Variants in ADAMTS3 observed in about 807,000 individuals in gnomAD.
ADAMTS3 encodes the protein A disintegrin and metalloproteinase with thrombospondin motifs 3.
ADAMTS3 carries 73 observed loss-of-function variants against 129.0 expected under a neutral mutation model. The observed-to-expected ratio is 0.57, with a 90% CI of 0.47 to 0.69. The LOEUF (loss-of-function observed/expected upper bound fraction) is 0.69, where lower values mean the gene tolerates loss of function less well. Ranked by LOEUF, ADAMTS3 falls within the 30% of genes least tolerant of loss-of-function variation. ADAMTS3 has a pLI of 0.00. For missense variants in ADAMTS3, 1,457 were observed against 1,514.5 expected, an observed-to-expected ratio of 0.96 and a Z score of 0.63; for synonymous variants, 477 against 510.8, an observed-to-expected ratio of 0.93 and a Z score of 0.89.
chr4:72,451,528 A>G (rs1354442348), intron 3 of ADAMTS3, among the ~76,000 whole-genome samples: 1 of 151,798 alleles, frequency 6.6e-6, no homozygotes, highest in African/African-American at 2.4e-5. Context: ...ACATATTTAG[A>G]AAGAAGGCCA....
At chr4:72,415,708 C>T (rs1044574848) in intron 3 of ADAMTS3, among the ~76,000 whole-genome samples, 4 of 151,890 alleles carry the variant, frequency 2.6e-5, no homozygotes, top group African/African-American at 9.7e-5. Flanking sequence ...TCTGTTTCAT[C>T]TTTTAATTAT....
intron 3 of ADAMTS3, among the ~76,000 whole-genome samples, chr4:72,455,478 T>G (rs892422787): frequency 2.0e-5 from 3 of 150,772 alleles, no homozygotes; most frequent in Non-Finnish European, 3.0e-5. Flanking sequence ...CTATTGGGGG[T>G]GGGGAACTAT....
chr4:72,539,796 C>A (rs1721276376), intron 3 of ADAMTS3, among the ~76,000 whole-genome samples: 2 of 152,172 alleles, frequency 1.3e-5, no homozygotes, highest in Non-Finnish European at 2.9e-5. Context: ...CATAAGCTCT[C>A]TCTTTGCTGC....
chr4:72,409,403 G>A (rs531292444), intron 4 of ADAMTS3, among the ~76,000 whole-genome samples: 2 of 152,072 alleles, frequency 1.3e-5, no homozygotes, highest in Non-Finnish European at 2.9e-5. Context: ...TTTCTACCCT[G>A]ATGTATGTTT....
At chr4:72,368,715 C>T (rs564187245) in intron 4 of ADAMTS3, among the ~76,000 whole-genome samples, 1 of 152,082 alleles carries the variant, frequency 6.6e-6, no homozygotes, top group East Asian at 1.9e-4. Context: ...TCAGAACAAG[C>T]CTAGAAACAC....
chr4:72,539,897 C>T (rs1199159107), intron 3 of ADAMTS3, among the ~76,000 whole-genome samples: 1 of 152,150 alleles, frequency 6.6e-6, no homozygotes, highest in African/African-American at 2.4e-5. Context: ...CCAATTAAAC[C>T]TCTTTCTTTT....
At chr4:72,452,713 T>A (rs1718438736) in intron 3 of ADAMTS3, among the ~76,000 whole-genome samples, 2 of 151,890 alleles carry the variant, frequency 1.3e-5, no homozygotes, top group South Asian at 4.1e-4. Flanking sequence ...GCAGTATGGC[T>A]GGTCTGAACC....
intron 3 of ADAMTS3, among the ~76,000 whole-genome samples, chr4:72,477,070 C>T (rs924199336): frequency 2.6e-5 from 4 of 152,148 alleles, no homozygotes; most frequent in Middle Eastern, 3.4e-3. Flanking sequence ...CTATAGATAA[C>T]ATTATATTTA....
intron 4 of ADAMTS3, among the ~76,000 whole-genome samples, chr4:72,397,994 A>G (rs1578644415): frequency 1.3e-5 from 2 of 152,310 alleles, no homozygotes; most frequent in Middle Eastern, 3.4e-3. Context: ...ACAACTGATC[A>G]AAGATAGTAA....
chr4:72,545,147 A>G (rs956545511), intron 3 of ADAMTS3, among the ~76,000 whole-genome samples: 1 of 152,124 alleles, frequency 6.6e-6, no homozygotes, highest in African/African-American at 2.4e-5. Context: ...TTCTTTGTAT[A>G]AAATAATTAG....
intron 3 of ADAMTS3, among the ~76,000 whole-genome samples, chr4:72,478,293 A>G (rs1046496968): frequency 5.9e-5 from 9 of 151,970 alleles, no homozygotes; most frequent in Non-Finnish European, 1.3e-4. Context: ...AAAATCCTCA[A>G]TAAAATACTG....
At chr4:72,471,666 G>A (rs977230691) in intron 3 of ADAMTS3, among the ~76,000 whole-genome samples, 1 of 151,878 alleles carries the variant, frequency 6.6e-6, no homozygotes, top group African/African-American at 2.4e-5. Context: ...AAAGGTTGGT[G>A]AAAATTAAAA....
In ADAMTS3 at chr4:72,313,763, A is replaced by G. The variant is rs1719310578; in HGVS notation, c.1659T>C (p.Asn553=). 5 of 1,613,876 alleles carry G rather than the reference A, an allele frequency of 3.1e-6. No individual in the cohort carries two copies. In the East Asian group the frequency reaches 6.7e-5, roughly 22 times the overall value. The change falls in exon 12 of 22, where the codon AAT becomes AAC. Residue 553 remains asparagine, a synonymous_variant. Coordinates refer to ENST00000286657, the MANE Select transcript of ADAMTS3 (RefSeq NM_014243.3). ...KNANQQKQDG[N]WGSWTKFGSC... is the part of the protein sequence containing the mutation. ...AGCCAAATTTAGTCCATGACCCCCA[A>G]TTGCCATCTTGTTTTTGCTGATTAG...
intron 17 of ADAMTS3, among the ~76,000 whole-genome samples, chr4:72,302,720 T>C (rs1361592657): frequency 6.6e-6 from 1 of 152,028 alleles, no homozygotes; most frequent in Non-Finnish European, 1.5e-5. Context: ...GTCAAACTGC[T>C]AAACCAACAA....
At position 72,282,551 on chromosome 4, in the gene ADAMTS3, G is replaced by C. The variant is rs1031687391; in HGVS notation, c.*585C>G. ...AATTAACCTATAGAATGTCAAACAA[G>C]GCAATACTCAACGACAGGCACCTAG... On this transcript the variant is annotated 3_prime_UTR_variant, in exon 22 of 22. Coordinates refer to ENST00000286657, the MANE Select transcript of ADAMTS3 (RefSeq NM_014243.3). 2 of 152,436 alleles carry C rather than the reference G, an allele frequency of 1.3e-5. No individual in the cohort carries two copies. Among genetic ancestry groups the C allele is most frequent in the Non-Finnish European group, 2.9e-5 (2 of 68,006 alleles). 9.4% of individuals were successfully genotyped at this position (152,436 alleles called of 1,614,324 possible). A position where few individuals can be genotyped will look rare whatever the true frequency, so the allele number is the denominator to read the frequency against.
At position 72,408,859 on chromosome 4, in the gene ADAMTS3, T is replaced by A. The variant is rs368978824; in HGVS notation, c.661+5956A>T. On this transcript the variant is annotated intron_variant, in intron 4 of 21. Coordinates refer to ENST00000286657, the MANE Select transcript of ADAMTS3 (RefSeq NM_014243.3). ...CACAAGACCATAAAACCAAACACCA[T>A]GAACAATAACAACACATGGACACAG... 2.6e-4 allele frequency among the ~76,000 whole-genome samples: 40 copies of A among 151,456 alleles called. 1 individual carries two copies. The South Asian group carries it at 5.2e-3, about 20-fold the overall frequency.
Position 72,319,378 on chromosome 4 carries a change from A to C in ADAMTS3, c.1306T>G (p.Tyr436Asp), listed in dbSNP as rs549099547. 6.2e-7 allele frequency: 1 copy of C among 1,613,962 alleles called. No individual in the cohort carries two copies. The highest frequency in any genetic ancestry group is 8.5e-7 in the Non-Finnish European group (1 of 1,179,908). Reference sequence around the variant, plus strand: ...TGACCACTGCATCGGGACCAGTGGTAACGATGGAATGCTGCTTGTACCAAG... The same window carrying C: ...TGACCACTGCATCGGGACCAGTGGTCACGATGGAATGCTGCTTGTACCAAG... ...APLVQAAFHR[Y>D]HWSRCSGQEL... The change falls in exon 9 of 22, where the codon TAC becomes GAC. Residue 436 changes from tyrosine (Y) to aspartate (D), a missense_variant. Transcript: ENST00000286657.
intron 19 of ADAMTS3, among the ~76,000 whole-genome samples, chr4:72,291,420 T>A (rs1426979407): frequency 9.5e-6 from 1 of 105,798 alleles, no homozygotes; most frequent in African/African-American, 3.7e-5. Context: ...CCCACAACAG[T>A]CCCCAGAGTG....
At chr4:72,563,682 T>C (rs1721958241) in intron 2 of ADAMTS3, among the ~76,000 whole-genome samples, 1 of 152,204 alleles carries the variant, frequency 6.6e-6, no homozygotes, top group Admixed American at 6.5e-5. Context: ...ATTAATTGTA[T>C]AGCCATTGTC....
Sources: gnomAD v4.1 joint callset for allele counts (sites outside exome capture counted in the v4.1 genomes callset) on GRCh38, gnomAD v4.1.1 for gene constraint, MANE v1.5 for transcripts, NCBI Gene and HGNC (gene_info 2026-07-23, HGNC 2026-07-21) for gene names.